Variants in SUFU observed in about 807,000 individuals in gnomAD.
The protein encoded by SUFU is SUFU negative regulator of hedgehog signaling, also known as suppressor of fused homolog.
SUFU carries 7 observed loss-of-function variants against 58.9 expected under a neutral mutation model. That is an observed-to-expected ratio of 0.12 (90% CI 0.07 to 0.22). The LOEUF is 0.22. Among genes scored for constraint, SUFU ranks in the 10% least tolerant of loss-of-function variants. SUFU has a pLI of 1.00. For missense variants in SUFU, 451 were observed against 641.3 expected, an observed-to-expected ratio of 0.70 and a Z score of 3.20; for synonymous variants, 232 against 254.8, an observed-to-expected ratio of 0.91 and a Z score of 0.85.
Position 102,617,794 on chromosome 10 carries a change from G to A in SUFU, c.1296+366G>A, listed in dbSNP as rs1289957499. 1.5e-5 allele frequency: 8 copies of A among 521,120 alleles called. No homozygotes were observed. The South Asian group carries it at 2.3e-4, about 15-fold the overall frequency. The allele number at this position is 521,120 out of a possible 1,614,324, so 32.3% of individuals were successfully genotyped here. A position where few individuals can be genotyped will look rare whatever the true frequency, so the allele number is the denominator to read the frequency against. On this transcript the variant is annotated intron_variant, in intron 10 of 11. Coordinates refer to ENST00000369902, the MANE Select transcript of SUFU (RefSeq NM_016169.4). The surrounding 1 kb of genome is among the most constrained non-coding windows in gnomAD (Gnocchi z 4.4). ...CAAGGATGAAGCAAGATGGGAGGAT[G>A]TGTGGAGGCCACTCTCCAATGGCTA...
At chr10:102,614,815 G>A (rs890429109) in intron 8 of SUFU, among the ~76,000 whole-genome samples, 1 of 151,926 alleles carries the variant, frequency 6.6e-6, no homozygotes. Context: ...GGCGGAGGTT[G>A]CAGTGAGCTG....
intron 3 of SUFU, among the ~76,000 whole-genome samples, chr10:102,556,017 A>G (rs905246218): frequency 2.0e-5 from 3 of 152,240 alleles, no homozygotes; most frequent in South Asian, 2.1e-4. Context: ...GCACGTGAGA[A>G]CATGCTCAGC....
At chr10:102,505,238 T>G (rs2135601763) in intron 1 of SUFU, among the ~76,000 whole-genome samples, 1 of 152,254 alleles carries the variant, frequency 6.6e-6, no homozygotes, top group Non-Finnish European at 1.5e-5. Flanking sequence ...TCAAGTAGCT[T>G]TAGGGTAGGA....
intron 3 of SUFU, among the ~76,000 whole-genome samples, chr10:102,557,641 A>T (rs142609015): frequency 6.6e-6 from 1 of 152,232 alleles, no homozygotes; most frequent in African/African-American, 2.4e-5. Flanking sequence ...ACAAAGAAAA[A>T]CAATAACAGA....
intron 3 of SUFU, 142 bp from the exon 4 acceptor site, chr10:102,592,440 G>A (rs111237617): frequency 1.9e-5 from 17 of 896,290 alleles, no homozygotes; most frequent in African/African-American, 3.3e-5. Flanking sequence ...GCTTCCATCC[G>A]GAGTGAATGC....
At chr10:102,608,888 C>T (rs1023695421) in intron 8 of SUFU, among the ~76,000 whole-genome samples, 1 of 152,212 alleles carries the variant, frequency 6.6e-6, no homozygotes, top group African/African-American at 2.4e-5. Context: ...ACCTTTGCCA[C>T]ACCTGTTTTT....
chr10:102,520,343 G>C (rs1302565583), intron 2 of SUFU, among the ~76,000 whole-genome samples: 5 of 149,274 alleles, frequency 3.3e-5, no homozygotes, highest in Non-Finnish European at 5.9e-5. Context: ...TCAGCCTCCT[G>C]AGTAGCTGGG....
In SUFU at chr10:102,607,706, G is replaced by C. The variant is rs908227188; in HGVS notation, c.1023-7562G>C. 5.3e-5 allele frequency among the ~76,000 whole-genome samples: 8 copies of C among 152,184 alleles called. 1 individual carries two copies. The highest frequency in any genetic ancestry group is 5.2e-4 in the Admixed American group (8 of 15,282). On this transcript the variant is annotated intron_variant, in intron 8 of 11. Coordinates refer to ENST00000369902, the MANE Select transcript of SUFU (RefSeq NM_016169.4). ...AGGCGTGCAGATCACTTGAGGTCAGGAGTTGGAGACTGGCCTGGCCAACAT... is the reference window on the plus strand; with the variant it reads ...AGGCGTGCAGATCACTTGAGGTCAGCAGTTGGAGACTGGCCTGGCCAACAT...
intron 8 of SUFU, among the ~76,000 whole-genome samples, chr10:102,606,908 C>T (rs1277051024): frequency 6.6e-6 from 1 of 152,050 alleles, no homozygotes; most frequent in African/African-American, 2.4e-5. Context: ...TCCCAGATGA[C>T]AACGGTATAG....
At chr10:102,523,450 T>C (rs998190411) in intron 2 of SUFU, among the ~76,000 whole-genome samples, 1 of 152,166 alleles carries the variant, frequency 6.6e-6, no homozygotes, top group Admixed American at 6.5e-5. Context: ...TGGCCCAGGC[T>C]ACCAGTCCCA....
At chr10:102,597,100 T>A in intron 6 of SUFU, 40 bp from the exon 7 acceptor site, 2 of 1,613,656 alleles carry the variant, frequency 1.2e-6, no homozygotes, top group Non-Finnish European at 1.7e-6. Context: ...GGTCACCAGT[T>A]CTCTGAAAGA....
At chr10:102,506,917 G>C (rs1197291024) in intron 1 of SUFU, among the ~76,000 whole-genome samples, 2 of 152,142 alleles carry the variant, frequency 1.3e-5, no homozygotes, top group Non-Finnish European at 2.9e-5. Context: ...AGACTTTGGT[G>C]AGCAAGGATC....
intron 3 of SUFU, among the ~76,000 whole-genome samples, chr10:102,587,445 G>A (rs2063345885): frequency 6.6e-6 from 1 of 152,002 alleles, no homozygotes; most frequent in Admixed American, 6.6e-5. Context: ...AAGTGATTTT[G>A]CTTTGCATTT....
intron 2 of SUFU, among the ~76,000 whole-genome samples, chr10:102,530,798 G>C (rs1413031039): frequency 6.6e-6 from 1 of 151,948 alleles, no homozygotes; most frequent in African/African-American, 2.4e-5. Context: ...ATATGGGAAG[G>C]AAACGAGGTA....
intron 1 of SUFU, among the ~76,000 whole-genome samples, chr10:102,507,255 A>G (rs151336146): frequency 6.6e-6 from 1 of 152,326 alleles, no homozygotes; most frequent in East Asian, 1.9e-4. Context: ...GGGATGCTGC[A>G]GATGGAGCAG....
At chr10:102,524,691 C>T (rs149451128) in intron 2 of SUFU, among the ~76,000 whole-genome samples, 169 of 152,188 alleles carry the variant, frequency 1.1e-3, no homozygotes, top group African/African-American at 3.8e-3. Context: ...TTTTAAATTA[C>T]CATCTAGCTT....
At chr10:102,595,105 A>G (rs564224828) in intron 6 of SUFU, among the ~76,000 whole-genome samples, 98 of 151,998 alleles carry the variant, frequency 6.4e-4, no homozygotes, top group African/African-American at 2.3e-3. Context: ...GGCTCCTTCT[A>G]CTCCCCTGAC....
chr10:102,562,427 G>A (rs2063047150), intron 3 of SUFU, among the ~76,000 whole-genome samples: 1 of 152,046 alleles, frequency 6.6e-6, no homozygotes, highest in Admixed American at 6.6e-5. Context: ...GGAGGCTGAG[G>A]CAGGAGAATT....
At chr10:102,515,113 G>A (rs1437756203) in intron 2 of SUFU, among the ~76,000 whole-genome samples, 1 of 152,194 alleles carries the variant, frequency 6.6e-6, no homozygotes, top group Non-Finnish European at 1.5e-5. Flanking sequence ...GCCGCTGACC[G>A]GCTTTCTGGG....
Sources: allele counts gnomAD v4.1 joint callset (sites outside exome capture counted in the v4.1 genomes callset), GRCh38; gene constraint gnomAD v4.1.1; non-coding constraint Gnocchi (gnomAD v3.1); transcripts MANE v1.5; gene names NCBI Gene and HGNC (gene_info 2026-07-23, HGNC 2026-07-21).